The following GRB10 variants were observed in gnomAD, a reference collection of about 807,000 sequenced individuals.
GRB10 encodes growth factor receptor-bound protein 10.
Under a neutral mutation model 80.9 loss-of-function variants are expected in GRB10, and 20 were observed. The ratio of observed to expected loss-of-function variants is 0.25; its 90% CI spans 0.17 to 0.36. The LOEUF (loss-of-function observed/expected upper bound fraction) is 0.36, where lower values mean the gene tolerates loss of function less well. Ranked by LOEUF, GRB10 falls within the 10% of genes least tolerant of loss-of-function variation. The pLI is 1.00. For synonymous variants in GRB10, 291 were observed against 291.5 expected, an observed-to-expected ratio of 1.00 and a Z score of 0.02; for missense variants, 548 against 747.7, an observed-to-expected ratio of 0.73 and a Z score of 3.12.
chr7:50,757,289 C>A (rs188332995), intron 2 of GRB10, among the ~76,000 whole-genome samples: 1 of 152,244 alleles, frequency 6.6e-6, no homozygotes, highest in Non-Finnish European at 1.5e-5. Context: ...TCTCACGGAG[C>A]TTTTATTAGG....
chr7:50,647,809 C>T (rs548458142), intron 7 of GRB10, among the ~76,000 whole-genome samples: 17 of 152,244 alleles, frequency 1.1e-4, no homozygotes, highest in African/African-American at 3.9e-4. Context: ...ACCAGGCAGG[C>T]GCTGTCCAAT....
Position 50,631,907 on chromosome 7 carries a change from T to C in GRB10, c.505-4929A>G, listed in dbSNP as rs900285522. Reference sequence around the variant, plus strand: ...ACTGGAGCCAGGATCTAACCAGGGCTCCCCGCCCTGGCTCTGCTTGCCTTT... The same window carrying C: ...ACTGGAGCCAGGATCTAACCAGGGCCCCCCGCCCTGGCTCTGCTTGCCTTT... On this transcript the variant is annotated intron_variant, in intron 7 of 18. Transcript: ENST00000401949. 2.0e-5 allele frequency among the ~76,000 whole-genome samples: 3 copies of C among 152,070 alleles called. No individual in the cohort carries two copies. In the East Asian group the frequency reaches 5.8e-4, roughly 29 times the overall value.
chr7:50,778,002 G>A (rs1483721190), intron 2 of GRB10, among the ~76,000 whole-genome samples: 3 of 152,164 alleles, frequency 2.0e-5, no homozygotes, highest in Admixed American at 6.5e-5. Flanking sequence ...CAGGTTGATA[G>A]ATGTAGCAAA....
At chr7:50,690,852 C>T (rs569878979) in intron 5 of GRB10, among the ~76,000 whole-genome samples, 95 of 152,274 alleles carry the variant, frequency 6.2e-4, no homozygotes, top group Non-Finnish European at 9.0e-4. Context: ...CAAAGGGGAC[C>T]AGACAAAAGA....
intron 2 of GRB10, among the ~76,000 whole-genome samples, chr7:50,767,481 C>T (rs141560360): frequency 6.6e-5 from 10 of 152,292 alleles, no homozygotes; most frequent in East Asian, 1.9e-4. Context: ...TCTGGCCACA[C>T]GGTCACAAGG....
chr7:50,708,596 TTGTC>T (rs1189071042), intron 4 of GRB10, among the ~76,000 whole-genome samples: 2 of 151,962 alleles, frequency 1.3e-5, no homozygotes, highest in Non-Finnish European at 2.9e-5. Flanking sequence ...TAGTTTTTGT[TTGTC>T]TGTGTGTCTG....
At chr7:50,781,236 A>C (rs1371247098) in intron 1 of GRB10, 2 of 152,270 alleles carry the variant, frequency 1.3e-5, no homozygotes, top group Non-Finnish European at 2.9e-5. Flanking sequence ...CCCACCCTAC[A>C]ATTAAAAACC....
intron 2 of GRB10, among the ~76,000 whole-genome samples, chr7:50,758,949 C>A (rs943576144): frequency 2.0e-5 from 3 of 152,068 alleles, no homozygotes; most frequent in Non-Finnish European, 4.4e-5. Flanking sequence ...CTTTGGGAAG[C>A]CAAGGCTAGA....
chr7:50,672,802 T>C (rs1448501106), intron 6 of GRB10, among the ~76,000 whole-genome samples: 1 of 152,052 alleles, frequency 6.6e-6, no homozygotes, highest in Non-Finnish European at 1.5e-5. Flanking sequence ...GCTACTGTGA[T>C]GCTCCCAAGA....
At chr7:50,607,040 A>T (rs981794601) in intron 13 of GRB10, 1 of 153,450 alleles carries the variant, frequency 6.5e-6, no homozygotes, top group Non-Finnish European at 1.4e-5. Flanking sequence ...CTCCAGAAAC[A>T]TGAGCCCATT....
At chr7:50,630,690 A>T (rs1282015531) in intron 7 of GRB10, among the ~76,000 whole-genome samples, 1 of 152,224 alleles carries the variant, frequency 6.6e-6, no homozygotes, top group Non-Finnish European at 1.5e-5. Context: ...ACTGCAAAAA[A>T]GCCCCTAAAT....
At chr7:50,716,164 G>A (rs2153681189) in intron 4 of GRB10, among the ~76,000 whole-genome samples, 1 of 152,338 alleles carries the variant, frequency 6.6e-6, no homozygotes, top group South Asian at 2.1e-4. Context: ...CATCTGGAGA[G>A]AAGCGTGTTC....
At chr7:50,621,446 T>C (rs1458680979) in intron 8 of GRB10, among the ~76,000 whole-genome samples, 1 of 152,060 alleles carries the variant, frequency 6.6e-6, no homozygotes, top group Non-Finnish European at 1.5e-5. Flanking sequence ...AAACATCAAC[T>C]CCCTTTTCGT....
At chr7:50,609,569 C>G (rs1298051155) in intron 13 of GRB10, among the ~76,000 whole-genome samples, 1 of 152,122 alleles carries the variant, frequency 6.6e-6, no homozygotes, top group South Asian at 2.1e-4. Flanking sequence ...ATAATTGTTG[C>G]AAAGGTTTAA....
chr7:50,610,917 G>C (rs2049392267), intron 13 of GRB10, among the ~76,000 whole-genome samples: 1 of 152,068 alleles, frequency 6.6e-6, no homozygotes, highest in Non-Finnish European at 1.5e-5. Flanking sequence ...CTGATACTTG[G>C]ATTTATTATA....
At chr7:50,632,030 T>C (rs1370370428) in intron 7 of GRB10, among the ~76,000 whole-genome samples, 2 of 152,208 alleles carry the variant, frequency 1.3e-5, no homozygotes, top group South Asian at 2.1e-4. Flanking sequence ...AGGCCTCAAA[T>C]TGGGCAGACC....
intron 18 of GRB10, 98 bp from the exon 19 acceptor site, chr7:50,593,196 G>T: frequency 2.2e-6 from 3 of 1,377,322 alleles, no homozygotes; most frequent in South Asian, 1.2e-5. Context: ...CCCATGATTT[G>T]ATTCCAGAGG....
chr7:50,639,117 G>A (rs1301986330), intron 7 of GRB10, among the ~76,000 whole-genome samples: 2 of 152,102 alleles, frequency 1.3e-5, no homozygotes, highest in Non-Finnish European at 2.9e-5. Context: ...GGGGGTGAGG[G>A]TTTTAGAAAT....
At chr7:50,773,084 A>T (rs1284752854) in intron 2 of GRB10, among the ~76,000 whole-genome samples, 1 of 152,160 alleles carries the variant, frequency 6.6e-6, no homozygotes, top group East Asian at 1.9e-4. Flanking sequence ...GGTGAAAGGC[A>T]TGTCTCACAT....
Sources: allele counts gnomAD v4.1 joint callset (sites outside exome capture counted in the v4.1 genomes callset), GRCh38; gene constraint gnomAD v4.1.1; transcripts MANE v1.5; gene names NCBI Gene and HGNC (gene_info 2026-07-23, HGNC 2026-07-21).